The following SCARB2 variants were observed in gnomAD, a reference collection of about 807,000 sequenced individuals.
The protein encoded by SCARB2 is lysosome membrane protein 2.
Under a neutral mutation model 58.6 loss-of-function variants are expected in SCARB2, and 29 were observed. The observed-to-expected ratio is 0.49, with a 90% CI of 0.37 to 0.67. SCARB2 has a LOEUF of 0.67. Ranked by LOEUF, SCARB2 falls within the 30% of genes least tolerant of loss-of-function variation. The pLI, the probability that SCARB2 is intolerant of heterozygous loss-of-function variation, is 0.00. For missense variants in SCARB2, 488 were observed against 578.5 expected (o/e 0.84, Z 1.60); for synonymous variants, 195 against 210.1 (o/e 0.93, Z 0.62).
chr4:76,160,501 C>G lies in SCARB2; in HGVS notation c.*1212G>C, dbSNP rs1461163085. 1.3e-5 allele frequency: 2 copies of G among 152,190 alleles called. No homozygotes were observed. The highest frequency in any genetic ancestry group is 4.8e-5 in the African/African-American group (2 of 41,438). The allele number at this position is 152,190 out of a possible 1,614,324, so 9.4% of individuals were successfully genotyped here. A position where few individuals can be genotyped will look rare whatever the true frequency, so the allele number is the denominator to read the frequency against. ...GTCTCTGCTTCTGGTCCTAACAGAC[C>G]TTTCTTTAAAGTACTTTGTGCAATA... On this transcript the variant is annotated 3_prime_UTR_variant, in exon 12 of 12. Transcript: ENST00000264896.
upstream of SCARB2, chr4:76,214,364 T>A (rs1303095743): frequency 2.2e-6 from 1 of 446,884 alleles, no homozygotes; most frequent in East Asian, 7.1e-5. Context: ...GTAAGGGGCA[T>A]GTGCAAGAAT....
intron 6 of SCARB2, 130 bp downstream of exon 6, chr4:76,175,661 A>G: frequency 9.3e-7 from 1 of 1,079,382 alleles, no homozygotes; most frequent in Non-Finnish European, 1.4e-6. Flanking sequence ...ATGTGCCATC[A>G]GCATTTATCA....
intron 2 of SCARB2, among the ~76,000 whole-genome samples, chr4:76,185,538 G>A (rs1417164325): frequency 1.3e-5 from 2 of 152,284 alleles, no homozygotes; most frequent in East Asian, 3.9e-4. Context: ...TATGCTCCAT[G>A]AACTATTTAA....
At chr4:76,208,962 G>C (rs1189686638) in intron 1 of SCARB2, among the ~76,000 whole-genome samples, 1 of 152,158 alleles carries the variant, frequency 6.6e-6, no homozygotes, top group Non-Finnish European at 1.5e-5. Context: ...GACTATTCCA[G>C]GCAAATGGGA....
chr4:76,231,932 T>C (rs1733500439), intron 1 of SCARB2, among the ~76,000 whole-genome samples: 1 of 152,252 alleles, frequency 6.6e-6, no homozygotes, highest in Non-Finnish European at 1.5e-5. Flanking sequence ...AAGGAAAGCA[T>C]ACCCTTCCAG....
intron 3 of SCARB2, 86 bp downstream of exon 3, chr4:76,180,868 C>A: frequency 2.5e-6 from 3 of 1,178,518 alleles, no homozygotes; most frequent in African/African-American, 1.5e-5. Context: ...CTTAATGGCT[C>A]CTAAATGTAA....
intron 2 of SCARB2, among the ~76,000 whole-genome samples, chr4:76,188,999 C>CA (rs1235772660): frequency 2.0e-5 from 3 of 152,158 alleles, no homozygotes. Flanking sequence ...TAGGTGGGTG[C>CA]AAAGTAACTG....
intron 1 of SCARB2, among the ~76,000 whole-genome samples, chr4:76,222,136 A>G (rs1322197529): frequency 6.6e-6 from 1 of 152,184 alleles, no homozygotes; most frequent in Non-Finnish European, 1.5e-5. Flanking sequence ...AAATCTCAAT[A>G]TTCAGTGGTA....
intron 11 of SCARB2, 141 bp downstream of exon 11, chr4:76,163,084 A>T: frequency 9.4e-7 from 1 of 1,063,382 alleles, no homozygotes. Context: ...CAGCAGTAAA[A>T]TAAGCACGAA....
intron 3 of SCARB2, chr4:76,180,194 TGAA>T (rs1478873049): frequency 5.5e-6 from 1 of 181,266 alleles, no homozygotes; most frequent in Non-Finnish European, 1.2e-5. Flanking sequence ...TTGGTGTAGG[TGAA>T]TTAGAATGTT....
intron 1 of SCARB2, among the ~76,000 whole-genome samples, chr4:76,208,985 C>T (rs1190396679): frequency 6.6e-6 from 1 of 152,088 alleles, no homozygotes; most frequent in African/African-American, 2.4e-5. Flanking sequence ...TATGGTCATC[C>T]TTGAGATGGG....
intron 1 of SCARB2, among the ~76,000 whole-genome samples, chr4:76,222,510 G>A (rs1461515844): frequency 1.3e-5 from 2 of 152,204 alleles, no homozygotes; most frequent in African/African-American, 2.4e-5. Context: ...TTACAGGCAT[G>A]AGCCACCGTG....
At chr4:76,163,821 T>C (rs556462895) in intron 10 of SCARB2, 79 of 262,962 alleles carry the variant, frequency 3.0e-4, no homozygotes, top group Non-Finnish European at 4.7e-4. Context: ...TTGTAACTGT[T>C]TGTCTTGCAA....
intron 2 of SCARB2, among the ~76,000 whole-genome samples, chr4:76,186,247 G>A (rs1007457662): frequency 2.6e-5 from 4 of 152,154 alleles, no homozygotes; most frequent in African/African-American, 9.7e-5. Context: ...GTGGGAGGGT[G>A]AAGGGGGTGT....
chr4:76,222,101 C>T (rs1733319514), intron 1 of SCARB2, among the ~76,000 whole-genome samples: 1 of 152,234 alleles, frequency 6.6e-6, no homozygotes, highest in African/African-American at 2.4e-5. Context: ...GGAGGCTGGG[C>T]AGGCCCAATC....
At chr4:76,174,477 A>G in intron 6 of SCARB2, 164 bp from the exon 7 acceptor site, 2 of 657,264 alleles carry the variant, frequency 3.0e-6, no homozygotes, top group Non-Finnish European at 2.7e-6. Flanking sequence ...CGTGTAATAA[A>G]GCAGAAGATG....
intron 1 of SCARB2, among the ~76,000 whole-genome samples, chr4:76,212,295 C>T (rs995854056): frequency 3.9e-5 from 6 of 152,162 alleles, no homozygotes; most frequent in African/African-American, 1.2e-4. Context: ...CTTGTCTTCC[C>T]TTGGCAATGT....
chr4:76,182,999 T>C (rs11938626), intron 2 of SCARB2, among the ~76,000 whole-genome samples: 54,762 of 152,104 alleles, frequency 0.36, 12,863 homozygotes, highest in African/African-American at 0.66. Flanking sequence ...AGTCAAGGAC[T>C]GTCTGTATAT....
intron 1 of SCARB2, among the ~76,000 whole-genome samples, chr4:76,210,657 G>A (rs1030832991): frequency 2.6e-5 from 4 of 152,184 alleles, no homozygotes; most frequent in African/African-American, 7.2e-5. Flanking sequence ...GAAAATTGAA[G>A]CAGAAACAAT....
Sources: gnomAD v4.1 joint callset for allele counts (sites outside exome capture counted in the v4.1 genomes callset) on GRCh38, gnomAD v4.1.1 for gene constraint, MANE v1.5 for transcripts, NCBI Gene and HGNC (gene_info 2026-07-23, HGNC 2026-07-21) for gene names.